The following KLHL7 variants were observed in gnomAD, a reference collection of about 807,000 sequenced individuals.
The protein encoded by KLHL7 is kelch-like protein 7.
KLHL7 carries 44 observed loss-of-function variants against 67.4 expected under a neutral mutation model. That is an observed-to-expected ratio of 0.65 (90% CI 0.51 to 0.84). KLHL7 has a LOEUF of 0.84. KLHL7 is among the 40% of genes least tolerant of loss of function. The pLI is 0.00. For synonymous variants in KLHL7, 252 were observed against 243.3 expected, an observed-to-expected ratio of 1.04 and a Z score of -0.33; for missense variants, 362 against 718.1, an observed-to-expected ratio of 0.50 and a Z score of 5.67.
At chr7:23,115,136 C>T (rs1455720541) in intron 1 of KLHL7, among the ~76,000 whole-genome samples, 1 of 152,160 alleles carries the variant, frequency 6.6e-6, no homozygotes, top group African/African-American at 2.4e-5. Flanking sequence ...ATTTAGTTAG[C>T]TTAGCACCTC....
At chr7:23,119,277 T>C (rs909743243) in intron 1 of KLHL7, among the ~76,000 whole-genome samples, 1 of 152,134 alleles carries the variant, frequency 6.6e-6, no homozygotes. Context: ...CGATCTCTGC[T>C]CACTGCAGCC....
At chr7:23,134,961 A>T (rs1237351784) in intron 4 of KLHL7, among the ~76,000 whole-genome samples, 1 of 150,158 alleles carries the variant, frequency 6.7e-6, no homozygotes, top group Non-Finnish European at 1.5e-5. Context: ...TCTGATCTTT[A>T]TTTCTCCTAC....
At position 23,125,186 on chromosome 7, in the gene KLHL7, G is replaced by C. The variant is rs760135767; in HGVS notation, c.442+14G>C. The C allele has an allele frequency of 2.0e-5, 33 of 1,611,686 alleles. No homozygotes were observed. In the Admixed American group the frequency reaches 5.2e-4, roughly 25 times the overall value. ...CAAATTGTCTTGGTAAGAAATATCA[G>C]ATTCCTGTTGTGTGTTTATTTTGTT... is the stretch of plus-strand genomic sequence containing the variant. On this transcript the variant is annotated intron_variant, in intron 4 of 10. Transcript: ENST00000339077.
intron 9 of KLHL7, 58 bp from the exon 10 acceptor site, chr7:23,172,887 CATT>C: frequency 8.6e-7 from 1 of 1,160,740 alleles, no homozygotes; most frequent in Non-Finnish European, 1.3e-6. Context: ...AGACCTTTCT[CATT>C]AGTATGAGTT....
intron 4 of KLHL7, among the ~76,000 whole-genome samples, chr7:23,127,812 G>T (rs928944742): frequency 5.9e-5 from 9 of 151,928 alleles, no homozygotes; most frequent in Admixed American, 2.0e-4. Flanking sequence ...GGCGGAGGTT[G>T]CAGTGAGCCG....
chr7:23,145,820 T>G (rs1784338022), intron 6 of KLHL7, among the ~76,000 whole-genome samples: 1 of 152,250 alleles, frequency 6.6e-6, no homozygotes, highest in African/African-American at 2.4e-5. Context: ...AGCCTTGACC[T>G]GTCCGGCACG....
intron 4 of KLHL7, among the ~76,000 whole-genome samples, chr7:23,127,043 A>G (rs1199918187): frequency 6.6e-6 from 1 of 152,214 alleles, no homozygotes; most frequent in Admixed American, 6.5e-5. Flanking sequence ...CTAAGACTTA[A>G]GGTTACTTCC....
At chr7:23,137,722 G>T (rs1281524568) in intron 4 of KLHL7, among the ~76,000 whole-genome samples, 1 of 151,014 alleles carries the variant, frequency 6.6e-6, no homozygotes, top group East Asian at 2.0e-4. Flanking sequence ...CAAGTGAGCT[G>T]CCCGCCTCAT....
chr7:23,152,300 A>G (rs949387285), intron 7 of KLHL7, 91 bp downstream of exon 7: 203 of 1,117,616 alleles, frequency 1.8e-4, no homozygotes, highest in Non-Finnish European at 6.0e-5. Flanking sequence ...AATAACTCAT[A>G]CCTTTAGAGA....
chr7:23,120,783 C>T (rs543427041), intron 1 of KLHL7, among the ~76,000 whole-genome samples: 17 of 152,208 alleles, frequency 1.1e-4, no homozygotes, highest in African/African-American at 2.4e-4. Flanking sequence ...CTAGGCTGGC[C>T]GTGAACTCCT....
At chr7:23,108,407 T>G (rs1441732997) in intron 1 of KLHL7, among the ~76,000 whole-genome samples, 1 of 152,184 alleles carries the variant, frequency 6.6e-6, no homozygotes, top group Non-Finnish European at 1.5e-5. Flanking sequence ...TAGCCTTTTG[T>G]TTCTAAGTAA....
intron 7 of KLHL7, among the ~76,000 whole-genome samples, chr7:23,153,705 T>C (rs1318065773): frequency 6.6e-6 from 1 of 152,230 alleles, no homozygotes; most frequent in Non-Finnish European, 1.5e-5. Flanking sequence ...TCAAGCTATA[T>C]GCAGCATCCT....
At chr7:23,117,402 T>A (rs900034822) in intron 1 of KLHL7, among the ~76,000 whole-genome samples, 1 of 129,840 alleles carries the variant, frequency 7.7e-6, no homozygotes, top group African/African-American at 3.0e-5. Context: ...CCTGAATTCT[T>A]ACTTCTCTTC....
rs765493637 is a variant in KLHL7, at chr7:23,146,658, TTCTTCTTC to T, written c.793+2635_793+2642del. The stretch of plus-strand genomic sequence containing the variant: ...ACTTATAGAGTTCTTCTTCTTCTTC[TTCTTCTTC>T]TTTTTTTTTTAATTTTAAGGCTATA... On this transcript the variant is annotated intron_variant, in intron 6 of 10. Coordinates refer to ENST00000339077, the MANE Select transcript of KLHL7 (RefSeq NM_001031710.3). Among the ~76,000 whole-genome samples, 529 of 123,700 alleles carry T rather than the reference TTCTTCTTC, an allele frequency of 4.3e-3. 1 individual carries two copies. The highest frequency in any genetic ancestry group is 6.0e-3 in the Non-Finnish European group (379 of 63,080). 81.2% of individuals were successfully genotyped at this position (123,700 alleles called of 152,430 possible). A position where few individuals can be genotyped will look rare whatever the true frequency, so the allele number is the denominator to read the frequency against.
At chr7:23,138,703 G>C (rs1417258239) in intron 4 of KLHL7, among the ~76,000 whole-genome samples, 1 of 151,330 alleles carries the variant, frequency 6.6e-6, no homozygotes. Context: ...ACACTCAGCT[G>C]ATTTTTGTAT....
At chr7:23,141,813 C>T (rs769454742) in intron 5 of KLHL7, among the ~76,000 whole-genome samples, 9 of 151,944 alleles carry the variant, frequency 5.9e-5, no homozygotes, top group South Asian at 2.1e-4. Flanking sequence ...TTAGTAGAGA[C>T]GGGGTTTCAC....
intron 6 of KLHL7, among the ~76,000 whole-genome samples, chr7:23,150,977 T>C (rs1246359736): frequency 6.6e-6 from 1 of 152,080 alleles, no homozygotes; most frequent in Non-Finnish European, 1.5e-5. Context: ...AAGTGTCTTT[T>C]AATAGTATTT....
chr7:23,110,962 A>C (rs1053646976), intron 1 of KLHL7, among the ~76,000 whole-genome samples: 2 of 152,104 alleles, frequency 1.3e-5, no homozygotes, highest in African/African-American at 4.8e-5. Flanking sequence ...AACCCACTGT[A>C]TGCTAAACAT....
intron 1 of KLHL7, among the ~76,000 whole-genome samples, chr7:23,117,139 G>T (rs1301101084): frequency 3.8e-5 from 5 of 130,590 alleles, no homozygotes; most frequent in African/African-American, 1.5e-4. Context: ...CCAGGCTGGA[G>T]TGCAGTGGCA....
Sources: gnomAD v4.1 joint callset for allele counts (sites outside exome capture counted in the v4.1 genomes callset) on GRCh38, gnomAD v4.1.1 for gene constraint, MANE v1.5 for transcripts, NCBI Gene and HGNC (gene_info 2026-07-23, HGNC 2026-07-21) for gene names.